Variants in CSNK2A1 observed in about 807,000 individuals in gnomAD.
The protein encoded by CSNK2A1 is casein kinase II subunit alpha.
In CSNK2A1, 10 loss-of-function variants were observed where a neutral mutation model predicts 62.9. That is an observed-to-expected ratio of 0.16 (90% CI 0.10 to 0.27). The LOEUF is 0.27. Ranked by LOEUF, CSNK2A1 falls within the 10% of genes least tolerant of loss-of-function variation. The pLI is 1.00. For synonymous variants in CSNK2A1, 124 were observed against 167.8 expected, an observed-to-expected ratio of 0.74 and a Z score of 2.02; for missense variants, 160 against 492.0, an observed-to-expected ratio of 0.33 and a Z score of 6.38.
Position 499,957 on chromosome 20 carries a change from G to C in CSNK2A1, c.214-23C>G. The C allele has an allele frequency of 3.1e-5, 36 of 1,161,414 alleles. No homozygotes were observed. Among genetic ancestry groups the C allele is most frequent in the Non-Finnish European group, 3.7e-5 (32 of 854,758 alleles). The allele number at this position is 1,161,414 out of a possible 1,614,324, so 71.9% of individuals were successfully genotyped here. A position where few individuals can be genotyped will look rare whatever the true frequency, so the allele number is the denominator to read the frequency against. On this transcript the variant is annotated intron_variant, in intron 4 of 13. Coordinates refer to ENST00000217244, the MANE Select transcript of CSNK2A1 (RefSeq NM_177559.3). This position sits in a 1 kb window ranked among gnomAD's most constrained non-coding sequence, Gnocchi z 4.2. ...TGGCTGAAAGGGGAAAAGTACATCA[G>C]CAAAAAAAAAAAAAAAAAATTTTTT...
chr20:526,937 G>C (rs2019102959), intron 2 of CSNK2A1: 1 of 151,092 alleles, frequency 6.6e-6, no homozygotes, highest in Non-Finnish European at 1.5e-5. Context: ...TGGCGACAGT[G>C]AGACTCTGTC....
chr20:530,116 C>T (rs1163851748), intron 1 of CSNK2A1, among the ~76,000 whole-genome samples: 2 of 152,084 alleles, frequency 1.3e-5, no homozygotes, highest in African/African-American at 4.8e-5. Flanking sequence ...CACTTCATCG[C>T]CCCAAAAAGA....
At chr20:489,740 T>C (rs761755111) in intron 10 of CSNK2A1, 40 bp downstream of exon 10, 16 of 1,533,714 alleles carry the variant, frequency 1.0e-5, no homozygotes, top group Non-Finnish European at 1.4e-5. Flanking sequence ...TATCATTGCA[T>C]TAGGCCAGTA....
intron 2 of CSNK2A1, among the ~76,000 whole-genome samples, chr20:517,903 C>A (rs941417424): frequency 6.6e-6 from 1 of 152,142 alleles, no homozygotes; most frequent in African/African-American, 2.4e-5. Flanking sequence ...TCGACTGTTA[C>A]CATTTTGTGC....
At chr20:541,934 G>C (rs868549750) in intron 1 of CSNK2A1, among the ~76,000 whole-genome samples, 1 of 152,186 alleles carries the variant, frequency 6.6e-6, no homozygotes, top group Non-Finnish European at 1.5e-5. Flanking sequence ...GACTGCAGGT[G>C]AACTTTTGAG....
rs1159732626 is a variant in CSNK2A1 at position 477,315 on chromosome 20, T to C, written c.*6646A>G. 6.6e-6 allele frequency: 1 copy of C among 152,304 alleles called. No homozygotes were observed. Among genetic ancestry groups the C allele is most frequent in the Non-Finnish European group, 1.5e-5 (1 of 68,126 alleles). The allele number at this position is 152,304 out of a possible 1,614,324, so 9.4% of individuals were successfully genotyped here. On this transcript the variant is annotated 3_prime_UTR_variant, in exon 14 of 14. Coordinates refer to ENST00000217244, the MANE Select transcript of CSNK2A1 (RefSeq NM_177559.3). ...GCTCAGGCAATTAATTCTCGTCCTT[T>C]GGCCTCCCCAGTAGCTAGGACACAG...
intron 2 of CSNK2A1, among the ~76,000 whole-genome samples, chr20:508,951 T>C (rs2018661004): frequency 6.6e-6 from 1 of 152,198 alleles, no homozygotes; most frequent in East Asian, 1.9e-4. Flanking sequence ...AAAAATGGCA[T>C]TGAGGATAGA....
chr20:519,076 C>T (rs878918050), intron 2 of CSNK2A1, among the ~76,000 whole-genome samples: 1 of 151,814 alleles, frequency 6.6e-6, no homozygotes, highest in African/African-American at 2.4e-5. Context: ...GCTGGGACTA[C>T]AGGTGCATGC....
chr20:539,950 A>G (rs753202622), intron 1 of CSNK2A1: 9 of 152,248 alleles, frequency 5.9e-5, no homozygotes, highest in Middle Eastern at 3.2e-3. Flanking sequence ...CAAATGGGCA[A>G]AATGTAAAAG....
intron 1 of CSNK2A1, among the ~76,000 whole-genome samples, chr20:542,131 T>C (rs560039465): frequency 7.9e-5 from 12 of 152,368 alleles, no homozygotes; most frequent in Admixed American, 2.0e-4. Flanking sequence ...ATATACCAGC[T>C]AGTCCCTTTA....
intron 2 of CSNK2A1, among the ~76,000 whole-genome samples, chr20:510,545 T>TGC (rs2018697161): frequency 6.6e-6 from 1 of 152,114 alleles, no homozygotes; most frequent in Admixed American, 6.6e-5. Flanking sequence ...GCATATAATC[T>TGC]ACCCTAAAAT....
chr20:513,176 A>G (rs1600396177), intron 2 of CSNK2A1, among the ~76,000 whole-genome samples: 1 of 152,352 alleles, frequency 6.6e-6, no homozygotes, highest in East Asian at 1.9e-4. Context: ...ATCTTTCTCT[A>G]CATAACCTTT....
rs116200479 is a variant in CSNK2A1, at chr20:493,513, T to C, written c.511-1149A>G. On this transcript the variant is annotated intron_variant, in intron 8 of 13. Coordinates refer to ENST00000217244, the MANE Select transcript of CSNK2A1 (RefSeq NM_177559.3). The stretch of plus-strand genomic sequence containing the variant: ...GGAGAGATTATAGATTCACAGGAAA[T>C]TGCCAAAGTAGTAGAGATTCTCTGC... Among the ~76,000 whole-genome samples, 289 of 152,276 alleles carry C rather than the reference T, an allele frequency of 1.9e-3. 2 individuals carry two copies. The highest frequency in any genetic ancestry group is 6.7e-3 in the African/African-American group (279 of 41,554).
chr20:505,938 G>C (rs1210239838), intron 3 of CSNK2A1: 14 of 140,234 alleles, frequency 1.0e-4, no homozygotes, highest in South Asian at 4.6e-4. Context: ...GCAGTGGCGT[G>C]ATCTCGGCTC....
intron 4 of CSNK2A1, chr20:504,859 G>C (rs73892427): frequency 2.4e-6 from 1 of 408,310 alleles, no homozygotes; most frequent in African/African-American, 2.1e-5. Context: ...GCAATAACTG[G>C]GAGAGAAGAG....
At chr20:517,328 G>A (rs2018848247) in intron 2 of CSNK2A1, among the ~76,000 whole-genome samples, 1 of 152,216 alleles carries the variant, frequency 6.6e-6, no homozygotes, top group Admixed American at 6.5e-5. Flanking sequence ...TTCCAATCAA[G>A]AGCAGAATGC....
At chr20:536,334 G>T (rs2019323840) in intron 1 of CSNK2A1, among the ~76,000 whole-genome samples, 1 of 152,180 alleles carries the variant, frequency 6.6e-6, no homozygotes, top group South Asian at 2.1e-4. Flanking sequence ...GGAAGGGAAA[G>T]AACTAATGTT....
intron 2 of CSNK2A1, among the ~76,000 whole-genome samples, chr20:511,328 G>C (rs938313672): frequency 1.3e-5 from 2 of 151,976 alleles, no homozygotes; most frequent in African/African-American, 2.4e-5. Context: ...TGACAGGAGA[G>C]AGACCTCATC....
chr20:484,399 T>C (rs1015000940), intron 13 of CSNK2A1, among the ~76,000 whole-genome samples: 4 of 152,230 alleles, frequency 2.6e-5, no homozygotes, highest in Non-Finnish European at 4.4e-5. Context: ...TGGTGACCAG[T>C]AGCCAACCAC....
Sources: gnomAD v4.1 joint callset for allele counts (sites outside exome capture counted in the v4.1 genomes callset) on GRCh38, gnomAD v4.1.1 for gene constraint, Gnocchi (gnomAD v3.1) non-coding constraint, MANE v1.5 for transcripts, NCBI Gene and HGNC (gene_info 2026-07-23, HGNC 2026-07-21) for gene names.